Variants in EXT2 observed in about 807,000 individuals in gnomAD.
EXT2 encodes the protein exostosin-2.
A neutral mutation model predicts 81.6 loss-of-function variants in EXT2; 53 were observed. The observed-to-expected ratio is 0.65, with a 90% CI of 0.52 to 0.82. The LOEUF (loss-of-function observed/expected upper bound fraction) is 0.82, where lower values mean the gene tolerates loss of function less well. Ranked by LOEUF, EXT2 falls within the 40% of genes least tolerant of loss-of-function variation. The pLI is 0.00. For missense variants in EXT2, 774 were observed against 910.2 expected (o/e 0.85, Z 1.93); for synonymous variants, 320 against 340.0 (o/e 0.94, Z 0.65).
chr11:44,113,524 C>T (rs543051709), intron 3 of EXT2, among the ~76,000 whole-genome samples: 160 of 152,280 alleles, frequency 1.1e-3, no homozygotes, highest in Non-Finnish European at 2.1e-3. Flanking sequence ...TACAAGCAAA[C>T]TGCAAGAGAA....
chr11:44,206,564 T>C (rs528144188), intron 9 of EXT2, among the ~76,000 whole-genome samples: 55 of 152,230 alleles, frequency 3.6e-4, no homozygotes, highest in African/African-American at 1.3e-3. Context: ...TGTATGTATA[T>C]AGTATGTGTG....
rs530322734 is a variant in EXT2 at position 44,233,661 on chromosome 11, C to T, written c.1807-454C>T. 3.3e-5 allele frequency among the ~76,000 whole-genome samples: 5 copies of T among 152,248 alleles called. No homozygotes were observed. The East Asian group carries it at 5.8e-4, about 18-fold the overall frequency. ...TAATTTAATTTAGCTGTATTCATATCGATTGTTTGTTGTTAGCTCAGCACT... is the reference window on the plus strand; with the variant it reads ...TAATTTAATTTAGCTGTATTCATATTGATTGTTTGTTGTTAGCTCAGCACT... On this transcript the variant is annotated intron_variant, in intron 11 of 13. Transcript: ENST00000533608.
At chr11:44,232,243 G>T in intron 10 of EXT2, 110 bp from the exon 11 acceptor site, 1 of 1,427,102 alleles carries the variant, frequency 7.0e-7, no homozygotes, top group Non-Finnish European at 9.8e-7. Context: ...ACCTTCTTAG[G>T]TTATGATGGT....
chr11:44,161,479 T>C (rs949906015), intron 7 of EXT2, among the ~76,000 whole-genome samples: 1 of 151,902 alleles, frequency 6.6e-6, no homozygotes, highest in African/African-American at 2.4e-5. Context: ...TACTCCAGTC[T>C]GGGCAATGGA....
At chr11:44,154,202 A>C (rs1323051612) in intron 7 of EXT2, among the ~76,000 whole-genome samples, 1 of 152,082 alleles carries the variant, frequency 6.6e-6, no homozygotes, top group East Asian at 1.9e-4. Flanking sequence ...TGTTGACTAT[A>C]GTCACTCTGT....
intron 4 of EXT2, among the ~76,000 whole-genome samples, chr11:44,122,197 C>G (rs1455118652): frequency 1.3e-5 from 2 of 152,110 alleles, no homozygotes; most frequent in African/African-American, 4.8e-5. Flanking sequence ...CCTTTAAAGA[C>G]CATTTAGCTC....
At chr11:44,110,095 T>C (rs1954122207) in intron 3 of EXT2, among the ~76,000 whole-genome samples, 1 of 152,164 alleles carries the variant, frequency 6.6e-6, no homozygotes, top group South Asian at 2.1e-4. Flanking sequence ...TCACCAGTCT[T>C]ATTACAGTTG....
intron 4 of EXT2, among the ~76,000 whole-genome samples, chr11:44,120,664 C>G (rs546775134): frequency 6.6e-6 from 1 of 152,340 alleles, no homozygotes; most frequent in Admixed American, 6.5e-5. Flanking sequence ...TCCCACATCT[C>G]TTGCGGGCTA....
At position 44,164,795 on chromosome 11, in the gene EXT2, C is replaced by T. The variant is rs548360131; in HGVS notation, c.1174-6816C>T. The stretch of plus-strand genomic sequence containing the variant: ...ATTGGTGTGACCTATTCACCTGTAA[C>T]CTAACTCTTCAACTGTGTACCTTCC... On this transcript the variant is annotated intron_variant, in intron 7 of 13. Coordinates refer to ENST00000533608, the MANE Select transcript of EXT2 (RefSeq NM_207122.2). Among the ~76,000 whole-genome samples, 8 of 152,058 alleles carry T rather than the reference C, an allele frequency of 5.3e-5. No individual in the cohort carries two copies. In the South Asian group the frequency reaches 1.7e-3, roughly 32 times the overall value.
chr11:44,096,203 C>A lies in EXT2; in HGVS notation c.-31+351C>A, dbSNP rs530511530. On this transcript the variant is annotated intron_variant, in intron 1 of 13. Coordinates refer to ENST00000533608, the MANE Select transcript of EXT2 (RefSeq NM_207122.2). ...CGCCCTCCGCCGTGACCCCTCCCTT[C>A]CTGCTGCCACCTTCCCGCCAGCCAC... The A allele has an allele frequency of 2.0e-4, 302 of 1,514,722 alleles. No individual in the cohort carries two copies. The African/African-American group carries it at 3.7e-3, about 18-fold the overall frequency. 93.8% of individuals were successfully genotyped at this position (1,514,722 alleles called of 1,614,324 possible). A position where few individuals can be genotyped will look rare whatever the true frequency, so the allele number is the denominator to read the frequency against.
rs59752163 is a variant in EXT2, at chr11:44,102,534, CTTTT to C, written c.-30-5131_-30-5128del. Among the ~76,000 whole-genome samples the C allele has an allele frequency of 5.1e-3, 543 of 106,128 alleles. 2 individuals are homozygous for C. Among genetic ancestry groups the C allele is most frequent in the Non-Finnish European group, 6.9e-3 (378 of 54,940 alleles). The allele number at this position is 106,128 out of a possible 152,430, so 69.6% of individuals were successfully genotyped here. A position where few individuals can be genotyped will look rare whatever the true frequency, so the allele number is the denominator to read the frequency against. Reference sequence around the variant, plus strand: ...CTCCTGTCTTTGTCTCTGTCTCTCTCTTTTTTTTTTTTTTTTTTTTTGCACGGGG... The same window carrying C: ...CTCCTGTCTTTGTCTCTGTCTCTCTCTTTTTTTTTTTTTTTTTGCACGGGG... On this transcript the variant is annotated intron_variant, in intron 1 of 13. Transcript: ENST00000533608.
intron 10 of EXT2, among the ~76,000 whole-genome samples, chr11:44,212,156 G>C (rs1387695064): frequency 6.6e-6 from 1 of 151,738 alleles, no homozygotes; most frequent in African/African-American, 2.4e-5. Flanking sequence ...ATGGTGATAT[G>C]AGCCTGTAAT....
chr11:44,097,543 A>G (rs1395073657), intron 1 of EXT2, among the ~76,000 whole-genome samples: 3 of 152,128 alleles, frequency 2.0e-5, no homozygotes, highest in Admixed American at 2.0e-4. Context: ...TAATCCCAAC[A>G]CTTTGGGAGG....
At chr11:44,101,037 A>G (rs1269373879) in intron 1 of EXT2, among the ~76,000 whole-genome samples, 1 of 152,228 alleles carries the variant, frequency 6.6e-6, no homozygotes, top group Non-Finnish European at 1.5e-5. Context: ...CCTGAGCAGG[A>G]AAGCAGTTCT....
At chr11:44,191,245 G>T (rs1359569564) in intron 8 of EXT2, among the ~76,000 whole-genome samples, 1 of 152,262 alleles carries the variant, frequency 6.6e-6, no homozygotes, top group East Asian at 1.9e-4. Flanking sequence ...GAATTTGGAG[G>T]AGTGAGAAGT....
intron 7 of EXT2, among the ~76,000 whole-genome samples, chr11:44,131,436 C>T (rs1242113140): frequency 1.3e-5 from 2 of 152,146 alleles, no homozygotes; most frequent in African/African-American, 2.4e-5. Context: ...ACTCTGTACC[C>T]TTAGGTAAGG....
chr11:44,133,901 C>G (rs1453779741), intron 7 of EXT2, among the ~76,000 whole-genome samples: 1 of 152,054 alleles, frequency 6.6e-6, no homozygotes, highest in African/African-American at 2.4e-5. Context: ...TTTGTGTGTA[C>G]CAAGGGAGAA....
At chr11:44,114,373 G>T in intron 4 of EXT2, 72 bp downstream of exon 4, 1 of 1,361,852 alleles carries the variant, frequency 7.3e-7, no homozygotes, top group East Asian at 2.3e-5. Context: ...TTAGTGTGGT[G>T]GGCATCAAAG....
Position 44,234,103 on chromosome 11 carries a change from C to T in EXT2, c.1807-12C>T. On this transcript the variant is annotated splice_polypyrimidine_tract_variant and intron_variant, in intron 11 of 13. Coordinates refer to ENST00000533608, the MANE Select transcript of EXT2 (RefSeq NM_207122.2). ...ATTTTTGAATATTTCTTCTTTCTGTCTCACTTGACAGTATTTTAATTACCT... is the reference window on the plus strand; with the variant it reads ...ATTTTTGAATATTTCTTCTTTCTGTTTCACTTGACAGTATTTTAATTACCT... 1 of 1,614,020 alleles carries T rather than the reference C, an allele frequency of 6.2e-7. No individual in the cohort carries two copies. The highest frequency in any genetic ancestry group is 1.1e-5 in the South Asian group (1 of 91,082).
Sources: allele counts gnomAD v4.1 joint callset (sites outside exome capture counted in the v4.1 genomes callset), GRCh38; gene constraint gnomAD v4.1.1; transcripts MANE v1.5; gene names NCBI Gene and HGNC (gene_info 2026-07-23, HGNC 2026-07-21).